Variants in USP46 observed in about 807,000 individuals in gnomAD.
USP46 encodes the protein ubiquitin specific peptidase 46.
A neutral mutation model predicts 44.4 loss-of-function variants in USP46; 12 were observed. That is an observed-to-expected ratio of 0.27 (90% confidence interval 0.17 to 0.44). USP46 has a LOEUF of 0.44. Among genes scored for constraint, USP46 ranks in the 20% least tolerant of loss-of-function variants. The probability of loss-of-function intolerance (pLI) is 1.00; values close to 1 mark genes in which losing one functional copy is unlikely to be tolerated. For missense variants in USP46, 248 were observed against 444.8 expected (o/e 0.56, Z 3.98); for synonymous variants, 155 against 161.5 (o/e 0.96, Z 0.31).
At chr4:52,603,260 G>A (rs942050761) in intron 6 of USP46, among the ~76,000 whole-genome samples, 10 of 152,206 alleles carry the variant, frequency 6.6e-5, no homozygotes, top group Non-Finnish European at 1.5e-4. Flanking sequence ...GCAGATTGAG[G>A]TTATAAGGAT....
rs1560384135 is a variant in USP46 at position 52,591,536 on chromosome 4, G to A, written c.*6104C>T. ...AAGTGAAAGATGCATCCGTGTAATTGACAACCTGAGTACGATCCCAAGGTT... is the reference window on the plus strand; with the variant it reads ...AAGTGAAAGATGCATCCGTGTAATTAACAACCTGAGTACGATCCCAAGGTT... On this transcript the variant is annotated 3_prime_UTR_variant, in exon 9 of 9. Transcript: ENST00000441222. The A allele has an allele frequency of 6.6e-6, 1 of 152,344 alleles. No individual in the cohort carries two copies. The highest frequency in any genetic ancestry group is 2.1e-4 in the South Asian group (1 of 4,826). 9.4% of individuals were successfully genotyped at this position (152,344 alleles called of 1,614,324 possible).
intron 1 of USP46, among the ~76,000 whole-genome samples, chr4:52,636,728 A>AAG: frequency 6.6e-6 from 1 of 151,394 alleles, no homozygotes; most frequent in South Asian, 2.1e-4. Context: ...AAAAAAAAAA[A>AAG]AGACACTAAG....
At chr4:52,619,361 G>C (rs1315274248) in intron 4 of USP46, among the ~76,000 whole-genome samples, 1 of 151,972 alleles carries the variant, frequency 6.6e-6, no homozygotes, top group Non-Finnish European at 1.5e-5. Flanking sequence ...CTGGCAAAAA[G>C]GTTTTCCAGG....
chr4:52,620,480 T>A (rs1717335766), intron 4 of USP46, among the ~76,000 whole-genome samples: 1 of 152,196 alleles, frequency 6.6e-6, no homozygotes, highest in Non-Finnish European at 1.5e-5. Context: ...GTCTCCATGC[T>A]GGAAGTTCTA....
chr4:52,636,809 T>TA (rs1718135780), intron 1 of USP46, among the ~76,000 whole-genome samples: 1 of 145,128 alleles, frequency 6.9e-6, no homozygotes, highest in Non-Finnish European at 1.5e-5. Flanking sequence ...TAATAAAATC[T>TA]TTTTTTTTTT....
At chr4:52,616,426 G>A (rs887023930) in intron 4 of USP46, among the ~76,000 whole-genome samples, 1 of 152,002 alleles carries the variant, frequency 6.6e-6, no homozygotes, top group Non-Finnish European at 1.5e-5. Context: ...AGGCTGGAGT[G>A]CAGTGGTGCA....
At chr4:52,620,805 G>C (rs918572519) in intron 4 of USP46, among the ~76,000 whole-genome samples, 4 of 152,208 alleles carry the variant, frequency 2.6e-5, no homozygotes, top group African/African-American at 9.7e-5. Context: ...AGGTGCACTA[G>C]AGTAAATGTA....
intron 7 of USP46, among the ~76,000 whole-genome samples, chr4:52,601,250 T>C (rs912859806): frequency 6.6e-6 from 1 of 152,224 alleles, no homozygotes; most frequent in East Asian, 1.9e-4. Flanking sequence ...AAGATACTTT[T>C]CTTCCCTTAT....
chr4:52,628,104 G>A lies in USP46; in HGVS notation c.177C>T (p.Phe59=). The part of the protein sequence containing the change: ...VLQALYFCRP[F]RENVLAYKAQ... ...CCTTGTATGCCAACACATTCTCCCG[G>A]AATGGACGGCAGAAGTACAATGCCT... is the stretch of plus-strand genomic sequence containing the variant. The change falls in exon 3 of 9, where the codon TTC becomes TTT. Residue 59 remains phenylalanine, a synonymous_variant. Transcript: ENST00000441222. 1 of 1,613,952 alleles carries A rather than the reference G, an allele frequency of 6.2e-7. No homozygotes were observed. Among genetic ancestry groups the A allele is most frequent in the Non-Finnish European group, 8.5e-7 (1 of 1,179,862 alleles).
At chr4:52,601,809 G>A in intron 7 of USP46, 48 bp downstream of exon 7, 1 of 1,566,544 alleles carries the variant, frequency 6.4e-7, no homozygotes, top group Non-Finnish European at 8.7e-7. Context: ...CAGCGAAGAG[G>A]CAACCCTTAC....
chr4:52,635,868 T>C (rs941905658), intron 1 of USP46, among the ~76,000 whole-genome samples: 18 of 152,066 alleles, frequency 1.2e-4, no homozygotes, highest in Non-Finnish European at 2.6e-4. Context: ...AACAAGCTGG[T>C]GGTGAGGTGG....
intron 1 of USP46, chr4:52,658,160 A>G (rs1313808422): frequency 4.4e-6 from 2 of 454,132 alleles, no homozygotes; most frequent in Non-Finnish European, 8.8e-6. Context: ...TAGGCAAAAC[A>G]CACATCATCT....
intron 3 of USP46, among the ~76,000 whole-genome samples, chr4:52,627,693 C>A (rs1440615226): frequency 6.6e-6 from 1 of 152,134 alleles, no homozygotes; most frequent in Non-Finnish European, 1.5e-5. Flanking sequence ...AATGATCCTG[C>A]CCAGAATGGA....
intron 1 of USP46, among the ~76,000 whole-genome samples, chr4:52,642,445 C>CCTAA (rs2109656168): frequency 6.6e-6 from 1 of 152,256 alleles, no homozygotes; most frequent in East Asian, 1.9e-4. Flanking sequence ...TGTGTGTGCC[C>CCTAA]CTAACTACTA....
Position 52,626,337 on chromosome 4 carries a change from T to C in USP46, c.332-90A>G, listed in dbSNP as rs1365622825. ...TTACATGCCATACTTAAATATTTTT[T>C]TTTTGAGATGGAGTCTCGCTGTGTC... On this transcript the variant is annotated intron_variant, in intron 3 of 8. Coordinates refer to ENST00000441222, the MANE Select transcript of USP46 (RefSeq NM_022832.4). 5.2e-6 allele frequency: 6 copies of C among 1,160,684 alleles called. No individual in the cohort carries two copies. In the East Asian group the frequency reaches 1.5e-4, roughly 29 times the overall value. 71.9% of individuals were successfully genotyped at this position (1,160,684 alleles called of 1,614,324 possible). A position where few individuals can be genotyped will look rare whatever the true frequency, so the allele number is the denominator to read the frequency against.
At chr4:52,615,996 C>T (rs1717115031) in intron 4 of USP46, among the ~76,000 whole-genome samples, 1 of 152,128 alleles carries the variant, frequency 6.6e-6, no homozygotes, top group African/African-American at 2.4e-5. Flanking sequence ...GGTAGAAAAG[C>T]TAGTAGGGGG....
chr4:52,654,866 A>T (rs1421718827), intron 1 of USP46, among the ~76,000 whole-genome samples: 1 of 152,244 alleles, frequency 6.6e-6, no homozygotes, highest in African/African-American at 2.4e-5. Flanking sequence ...GCAGATTTTC[A>T]TAAAGCCTTT....
chr4:52,608,826 T>C (rs969066910), intron 5 of USP46, among the ~76,000 whole-genome samples: 1 of 152,090 alleles, frequency 6.6e-6, no homozygotes, highest in Non-Finnish European at 1.5e-5. Context: ...AATGGGAATT[T>C]AAAATGAGAG....
At chr4:52,653,343 T>C (rs1196036165) in intron 1 of USP46, among the ~76,000 whole-genome samples, 1 of 151,734 alleles carries the variant, frequency 6.6e-6, no homozygotes, top group African/African-American at 2.4e-5. Context: ...CTATCTCTAC[T>C]AAAAATGCAA....
Sources: gnomAD v4.1 joint callset for allele counts (sites outside exome capture counted in the v4.1 genomes callset) on GRCh38, gnomAD v4.1.1 for gene constraint, MANE v1.5 for transcripts, NCBI Gene and HGNC (gene_info 2026-07-23, HGNC 2026-07-21) for gene names.